FBXO36: variants seen among roughly 807,000 people sequenced by gnomAD.
FBXO36 encodes F-box only protein 36.
In FBXO36, 18 loss-of-function variants were observed where a neutral mutation model predicts 17.0. That is an observed-to-expected ratio of 1.06 (90% CI 0.73 to 1.57). The LOEUF (loss-of-function observed/expected upper bound fraction) is 1.57. Among genes scored for constraint, FBXO36 ranks in the 40% most tolerant of loss-of-function variants. FBXO36 has a pLI of 0.00. For synonymous variants in FBXO36, 83 were observed against 85.3 expected (o/e 0.97, Z 0.15); for missense variants, 229 against 221.9 (o/e 1.03, Z -0.20).
intron 1 of FBXO36, among the ~76,000 whole-genome samples, chr2:229,927,557 T>A (rs147603663): frequency 0.012 from 1,784 of 152,264 alleles, 27 homozygotes; most frequent in Non-Finnish European, 0.016. Flanking sequence ...AATGGTATGC[T>A]AAGTAGATGG....
chr2:229,984,079 G>A (rs964567273), intron 2 of FBXO36, among the ~76,000 whole-genome samples: 9 of 152,190 alleles, frequency 5.9e-5, no homozygotes, highest in African/African-American at 1.9e-4. Flanking sequence ...GTTGGGCGCG[G>A]TGGCTCACGC....
chr2:229,952,775 G>A (rs1213087541), intron 1 of FBXO36, among the ~76,000 whole-genome samples: 2 of 152,150 alleles, frequency 1.3e-5, no homozygotes, highest in Non-Finnish European at 2.9e-5. Context: ...AGGGTACCAG[G>A]AGGAGAATCC....
At chr2:229,998,048 G>A (rs957407693) in intron 3 of FBXO36, among the ~76,000 whole-genome samples, 1 of 152,208 alleles carries the variant, frequency 6.6e-6, no homozygotes, top group Admixed American at 6.6e-5. Context: ...GTATTTAGCT[G>A]TAATGTGTTG....
intron 1 of FBXO36, among the ~76,000 whole-genome samples, chr2:229,963,051 C>A (rs1259895522): frequency 2.0e-5 from 3 of 151,636 alleles, no homozygotes; most frequent in Non-Finnish European, 4.4e-5. Context: ...TTCATTCAGT[C>A]CCCTATTGCT....
intron 3 of FBXO36, among the ~76,000 whole-genome samples, chr2:230,002,591 G>A (rs530305073): frequency 6.6e-5 from 10 of 152,000 alleles, no homozygotes; most frequent in South Asian, 2.1e-4. Flanking sequence ...GCCATCTTGC[G>A]CTGGTTGGTC....
At chr2:229,931,400 C>T (rs1266090376) in intron 1 of FBXO36, among the ~76,000 whole-genome samples, 1 of 152,160 alleles carries the variant, frequency 6.6e-6, no homozygotes, top group African/African-American at 2.4e-5. Context: ...AATTGGAAGT[C>T]ACTGAGTCAC....
chr2:229,991,605 CTT>C (rs955803089), intron 2 of FBXO36, among the ~76,000 whole-genome samples: 27 of 152,314 alleles, frequency 1.8e-4, no homozygotes, highest in African/African-American at 6.0e-4. Context: ...AAGTCTTCTC[CTT>C]TTGTACTGCG....
intron 1 of FBXO36, among the ~76,000 whole-genome samples, chr2:229,960,534 A>G (rs1210145272): frequency 6.6e-6 from 1 of 151,850 alleles, no homozygotes; most frequent in Non-Finnish European, 1.5e-5. Flanking sequence ...TCTGTCGCCC[A>G]CACAGCAGTG....
intron 1 of FBXO36, among the ~76,000 whole-genome samples, chr2:229,936,731 C>T (rs1354816956): frequency 1.3e-5 from 2 of 151,944 alleles, no homozygotes; most frequent in East Asian, 1.9e-4. Context: ...ATGAGCCAAG[C>T]GTGGTGGCAT....
At chr2:229,941,222 G>A (rs905951402) in intron 1 of FBXO36, among the ~76,000 whole-genome samples, 2 of 152,142 alleles carry the variant, frequency 1.3e-5, no homozygotes, top group African/African-American at 4.8e-5. Flanking sequence ...TTGGGAGGCC[G>A]AGGCAGGCAG....
At chr2:230,003,894 A>T (rs1429471918) in intron 3 of FBXO36, among the ~76,000 whole-genome samples, 2 of 152,118 alleles carry the variant, frequency 1.3e-5, no homozygotes, top group East Asian at 3.9e-4. Flanking sequence ...TCTCCTGGGA[A>T]CCCCTTCATT....
At chr2:229,951,266 G>A (rs943426643) in intron 1 of FBXO36, among the ~76,000 whole-genome samples, 1 of 138,642 alleles carries the variant, frequency 7.2e-6, no homozygotes, top group African/African-American at 2.7e-5. Context: ...TTTTTTAGAC[G>A]GAGTTTCGCT....
At chr2:229,978,591 AAAT>A (rs751071822) in intron 2 of FBXO36, among the ~76,000 whole-genome samples, 3 of 151,830 alleles carry the variant, frequency 2.0e-5, no homozygotes, top group East Asian at 1.9e-4. Flanking sequence ...CCATCTCAAA[AAAT>A]AATAATAATA....
chr2:229,931,026 T>C (rs2076936120), intron 1 of FBXO36, among the ~76,000 whole-genome samples: 1 of 152,210 alleles, frequency 6.6e-6, no homozygotes, highest in South Asian at 2.1e-4. Context: ...CATTGTGTCT[T>C]GTGACACTCC....
chr2:229,981,316 AC>A (rs765907294), intron 2 of FBXO36, among the ~76,000 whole-genome samples: 2 of 151,406 alleles, frequency 1.3e-5, no homozygotes, highest in South Asian at 2.1e-4. Flanking sequence ...CAGTGAGACC[AC>A]CCCCCCATCT....
At chr2:229,932,439 G>C (rs2076943465) in intron 1 of FBXO36, among the ~76,000 whole-genome samples, 1 of 152,106 alleles carries the variant, frequency 6.6e-6, no homozygotes, top group Non-Finnish European at 1.5e-5. Context: ...AGAATCACTT[G>C]AACCCGGGAG....
intron 1 of FBXO36, among the ~76,000 whole-genome samples, chr2:229,950,855 C>G (rs2077054021): frequency 6.7e-6 from 1 of 150,006 alleles, no homozygotes; most frequent in Non-Finnish European, 1.5e-5. Flanking sequence ...CTTCTGGGTT[C>G]AAGTGATTCT....
At chr2:229,923,835 T>C (rs1448411565) in intron 1 of FBXO36, among the ~76,000 whole-genome samples, 1 of 149,152 alleles carries the variant, frequency 6.7e-6, no homozygotes, top group Non-Finnish European at 1.5e-5. Flanking sequence ...TCTGTACTTT[T>C]TTTTTGGTGT....
At chr2:229,970,811 ATGT>A (rs1319479732) in intron 1 of FBXO36, among the ~76,000 whole-genome samples, 2 of 152,206 alleles carry the variant, frequency 1.3e-5, no homozygotes, top group African/African-American at 4.8e-5. Flanking sequence ...AATTAATATA[ATGT>A]TACTATAACT....
Sources: allele counts gnomAD v4.1 joint callset (sites outside exome capture counted in the v4.1 genomes callset), GRCh38; gene constraint gnomAD v4.1.1; transcripts MANE v1.5; gene names NCBI Gene and HGNC (gene_info 2026-07-23, HGNC 2026-07-21).